The following IQUB variants were observed in gnomAD, a reference collection of about 807,000 sequenced individuals.
IQUB encodes IQ motif and ubiquitin-like domain-containing protein.
A neutral mutation model predicts 86.4 loss-of-function variants in IQUB; 86 were observed. That is an observed-to-expected ratio of 1.00 (90% CI 0.84 to 1.19). IQUB has a LOEUF of 1.19. Among genes scored for constraint, IQUB ranks in the 50% most tolerant of loss-of-function variants. The pLI is 0.00. For missense variants in IQUB, 946 were observed against 916.9 expected, an observed-to-expected ratio of 1.03 and a Z score of -0.41; for synonymous variants, 289 against 304.5, an observed-to-expected ratio of 0.95 and a Z score of 0.53.
At chr7:123,486,367 T>C (rs1795212388) in intron 7 of IQUB, among the ~76,000 whole-genome samples, 1 of 152,162 alleles carries the variant, frequency 6.6e-6, no homozygotes, top group Non-Finnish European at 1.5e-5. Flanking sequence ...CTTTGAAGCC[T>C]TCCCTAACAA....
At chr7:123,469,468 T>G (rs1794429552) in intron 8 of IQUB, 84 bp from the exon 9 acceptor site, 8 of 686,408 alleles carry the variant, frequency 1.2e-5, no homozygotes, top group Non-Finnish European at 1.8e-5. Context: ...AAAGTCTACC[T>G]TAATATCATG....
intron 8 of IQUB, among the ~76,000 whole-genome samples, chr7:123,476,029 C>T (rs543337617): frequency 6.6e-6 from 1 of 152,294 alleles, no homozygotes; most frequent in East Asian, 1.9e-4. Context: ...CAAAATTATA[C>T]AACCACTATT....
At position 123,503,219 on chromosome 7, in the gene IQUB, G is replaced by A. The variant is rs1429205191; in HGVS notation, c.677C>T (p.Thr226Ile). Residue 226 changes from threonine to isoleucine, a missense_variant, in exon 4 of 13, where the codon ACT becomes ATT. Physicochemically the swap from Thr to Ile is moderately conservative, Grantham distance 89. Transcript: ENST00000324698. ...TAACGAACCAGTTTGGACAGTGACA[G>A]TTATGATTTGAGAGACATCAGTTAA... Reference protein sequence around the residue: ...DGLTDVSQIITVTVQTGLDQY... With the variant: ...DGLTDVSQIIIVTVQTGLDQY... The A allele has an allele frequency of 1.2e-6, 2 of 1,611,416 alleles. No individual in the cohort carries two copies. Among genetic ancestry groups the A allele is most frequent in the Admixed American group, 1.7e-5 (1 of 59,562 alleles).
chr7:123,500,289 G>A (rs542465709), intron 6 of IQUB, among the ~76,000 whole-genome samples: 1 of 152,070 alleles, frequency 6.6e-6, no homozygotes, highest in East Asian at 1.9e-4. Flanking sequence ...TTGGGGTCTG[G>A]ATCGGGACCA....
intron 2 of IQUB, among the ~76,000 whole-genome samples, chr7:123,510,835 C>CA (rs61573805): frequency 0.26 from 39,498 of 151,862 alleles, 5,356 homozygotes; most frequent in East Asian, 0.33. Context: ...TCTCAGATGG[C>CA]AAATATAAGA....
intron 9 of IQUB, among the ~76,000 whole-genome samples, chr7:123,466,978 G>A (rs1394530195): frequency 6.6e-6 from 1 of 151,898 alleles, no homozygotes; most frequent in South Asian, 2.1e-4. Context: ...TATACTGAAC[G>A]AACATCTGCC....
In IQUB at chr7:123,503,062, T is replaced by G; in HGVS notation, c.749A>C (p.Lys250Thr). 6.2e-7 allele frequency: 1 copy of G among 1,613,550 alleles called. No individual in the cohort carries two copies. The highest frequency in any genetic ancestry group is 1.1e-5 in the South Asian group (1 of 91,062). Residue 250 changes from lysine to threonine, a missense_variant, in exon 5 of 13, where the codon AAA (lysine) becomes ACA (threonine). Transcript: ENST00000324698. ...ATGTCTGAATCCACCAAGAAATGGT[T>G]TGTGAAAGTCAGATTTGACAATCTC... The part of the protein sequence containing the change: ...PVEIVKSDFH[K>T]PFLGGFRHKV...
intron 8 of IQUB, among the ~76,000 whole-genome samples, chr7:123,475,719 T>C (rs996125483): frequency 3.3e-5 from 5 of 152,076 alleles, no homozygotes; most frequent in Admixed American, 3.3e-4. Flanking sequence ...TAAAGAAAGG[T>C]GACACCCATC....
intron 7 of IQUB, among the ~76,000 whole-genome samples, chr7:123,481,816 C>CA (rs1319155488): frequency 1.3e-5 from 2 of 150,836 alleles, no homozygotes; most frequent in East Asian, 3.9e-4. Flanking sequence ...TGAGTTTATG[C>CA]AAAAAAAGAA....
intron 1 of IQUB, among the ~76,000 whole-genome samples, chr7:123,516,585 G>C (rs955393645): frequency 6.6e-6 from 1 of 151,984 alleles, no homozygotes; most frequent in African/African-American, 2.4e-5. Context: ...GGTGAAATAA[G>C]AATATATATT....
At chr7:123,527,727 A>C (rs892372209) in intron 1 of IQUB, among the ~76,000 whole-genome samples, 2 of 152,094 alleles carry the variant, frequency 1.3e-5, no homozygotes, top group African/African-American at 4.8e-5. Context: ...AAGCTGTCAG[A>C]CAGGGACATT....
intron 7 of IQUB, among the ~76,000 whole-genome samples, chr7:123,494,506 C>T (rs567438056): frequency 6.6e-6 from 1 of 151,878 alleles, no homozygotes; most frequent in Non-Finnish European, 1.5e-5. Context: ...ATTATTATTC[C>T]AAGGCTTTTA....
rs773831458 is a variant in IQUB, at chr7:123,503,322, C to T, written c.574G>A (p.Val192Ile). 2 of 1,590,482 alleles carry T rather than the reference C, an allele frequency of 1.3e-6. No individual in the cohort carries two copies. The highest frequency in any genetic ancestry group is 1.4e-5 in the African/African-American group (1 of 74,024). ...ACTTGTACAATTTCCTGTGGCTTAACTCCATGTTGTACTAGAGTCTCATTA... is the reference window on the plus strand; with the variant it reads ...ACTTGTACAATTTCCTGTGGCTTAATTCCATGTTGTACTAGAGTCTCATTA... ...KNNETLVQHG[V>I]KPQEIVQVEI... is the part of the protein sequence containing the mutation. Residue 192 changes from valine to isoleucine, a missense_variant, in exon 4 of 13, where the codon GTT becomes ATT. Val to Ile is a conservative substitution (Grantham distance 29, BLOSUM62 3). Coordinates refer to ENST00000324698, the MANE Select transcript of IQUB (RefSeq NM_178827.5).
chr7:123,516,362 T>C (rs1466640136), intron 1 of IQUB, among the ~76,000 whole-genome samples: 2 of 152,194 alleles, frequency 1.3e-5, no homozygotes, highest in Non-Finnish European at 2.9e-5. Flanking sequence ...CAATCATTTG[T>C]CATATCTGTT....
chr7:123,467,696 T>C (rs1794327077), intron 9 of IQUB, among the ~76,000 whole-genome samples: 2 of 152,202 alleles, frequency 1.3e-5, no homozygotes, highest in Admixed American at 1.3e-4. Flanking sequence ...CCTTGATTTC[T>C]TGACCTGTGG....
At chr7:123,507,820 C>T (rs184030669) in intron 3 of IQUB, among the ~76,000 whole-genome samples, 7 of 149,854 alleles carry the variant, frequency 4.7e-5, no homozygotes, top group Middle Eastern at 3.4e-3. Flanking sequence ...TTGCAGTGAG[C>T]GAGATCGTGA....
intron 1 of IQUB, among the ~76,000 whole-genome samples, chr7:123,515,104 A>C (rs1318002631): frequency 6.6e-6 from 1 of 152,150 alleles, no homozygotes; most frequent in Non-Finnish European, 1.5e-5. Flanking sequence ...AAAAAACAAA[A>C]AACAAACAAA....
At chr7:123,478,824 G>C (rs1333246102) in intron 8 of IQUB, among the ~76,000 whole-genome samples, 2 of 152,104 alleles carry the variant, frequency 1.3e-5, no homozygotes, top group African/African-American at 4.8e-5. Flanking sequence ...GGGGGCAAGG[G>C]ATGGTAAGGT....
chr7:123,526,959 C>T (rs552970416), intron 1 of IQUB, among the ~76,000 whole-genome samples: 39 of 152,204 alleles, frequency 2.6e-4, no homozygotes, highest in African/African-American at 8.9e-4. Flanking sequence ...ACTTATGAAG[C>T]TTAGTTTGGC....
Sources: allele counts gnomAD v4.1 joint callset (sites outside exome capture counted in the v4.1 genomes callset), GRCh38; gene constraint gnomAD v4.1.1; transcripts MANE v1.5; gene names NCBI Gene and HGNC (gene_info 2026-07-23, HGNC 2026-07-21).